Variants in NRG3 observed in about 807,000 individuals in gnomAD.
NRG3 encodes the protein pro-neuregulin-3, membrane-bound isoform.
Under a neutral mutation model 66.9 loss-of-function variants are expected in NRG3, and 31 were observed. That is an observed-to-expected ratio of 0.46 (90% confidence interval 0.35 to 0.63). The LOEUF (loss-of-function observed/expected upper bound fraction) is 0.63. Among genes scored for constraint, NRG3 ranks in the 20% least tolerant of loss-of-function variants. NRG3 has a pLI of 0.00. For synonymous variants in NRG3, 393 were observed against 359.4 expected (o/e 1.09, Z -1.06); for missense variants, 910 against 878.9 (o/e 1.04, Z -0.45).
intron 1 of NRG3, among the ~76,000 whole-genome samples, chr10:82,172,471 G>T (rs1160999086): frequency 1.3e-5 from 2 of 152,100 alleles, no homozygotes; most frequent in Non-Finnish European, 1.5e-5. Context: ...TGTAACATAT[G>T]TCCTTTGGGA....
chr10:82,378,540 CTCTCT>C (rs2085408313), intron 2 of NRG3, among the ~76,000 whole-genome samples: 1 of 151,834 alleles, frequency 6.6e-6, no homozygotes. Context: ...TCCTCCCTCC[CTCTCT>C]TCTCTTCTAC....
intron 1 of NRG3, among the ~76,000 whole-genome samples, chr10:82,114,175 A>G (rs1286887363): frequency 6.6e-6 from 1 of 152,150 alleles, no homozygotes; most frequent in African/African-American, 2.4e-5. Flanking sequence ...TGGACAAACA[A>G]TATTCCATTG....
intron 1 of NRG3, among the ~76,000 whole-genome samples, chr10:82,271,782 T>C (rs2078609900): frequency 6.6e-6 from 1 of 152,122 alleles, no homozygotes; most frequent in Non-Finnish European, 1.5e-5. Context: ...AATTCATACC[T>C]TTCTAAGGAA....
intron 1 of NRG3, among the ~76,000 whole-genome samples, chr10:82,122,917 C>T (rs2068187691): frequency 6.6e-6 from 1 of 151,934 alleles, no homozygotes; most frequent in Non-Finnish European, 1.5e-5. Context: ...CTTTCTGTCT[C>T]TTCCTCAATC....
intron 3 of NRG3, among the ~76,000 whole-genome samples, chr10:82,861,668 C>A (rs1403564015): frequency 6.6e-6 from 1 of 152,192 alleles, no homozygotes; most frequent in East Asian, 1.9e-4. Context: ...TGAGTTGCAC[C>A]TGCCAGCAAA....
chr10:82,286,741 C>T (rs2079440081), intron 1 of NRG3, among the ~76,000 whole-genome samples: 1 of 152,098 alleles, frequency 6.6e-6, no homozygotes, highest in South Asian at 2.1e-4. Context: ...GAATGTGCCA[C>T]CATGCCCGGC....
Position 82,986,310 on chromosome 10 carries a change from T to A in NRG3, c.*705T>A, listed in dbSNP as rs1378412444. The A allele has an allele frequency of 6.6e-6, 1 of 152,140 alleles. No homozygotes were observed. Among genetic ancestry groups the A allele is most frequent in the East Asian group, 1.9e-4 (1 of 5,174 alleles). 9.4% of individuals were successfully genotyped at this position (152,140 alleles called of 1,614,324 possible). The stretch of plus-strand genomic sequence containing the variant: ...CACTAAAATCATGCTAATAGAAATG[T>A]TTTTCCTTGAGATTGTTTAGAGGCT... On this transcript the variant is annotated 3_prime_UTR_variant, in exon 9 of 9. Coordinates refer to ENST00000372141, the MANE Select transcript of NRG3 (RefSeq NM_001010848.4).
At chr10:82,158,939 A>C (rs532263146) in intron 1 of NRG3, among the ~76,000 whole-genome samples, 2 of 151,928 alleles carry the variant, frequency 1.3e-5, no homozygotes, top group South Asian at 2.1e-4. Flanking sequence ...AATACATGAC[A>C]AGAATATTAT....
At chr10:82,347,853 G>C (rs945972066) in intron 1 of NRG3, among the ~76,000 whole-genome samples, 1 of 151,792 alleles carries the variant, frequency 6.6e-6, no homozygotes, top group African/African-American at 2.4e-5. Context: ...ATCTTTGCTG[G>C]TTTAAAGTCT....
chr10:82,522,354 G>A (rs1846275902), intron 2 of NRG3, among the ~76,000 whole-genome samples: 1 of 152,018 alleles, frequency 6.6e-6, no homozygotes, highest in South Asian at 2.1e-4. Context: ...CTCCACTGAA[G>A]TCTTGAGGCC....
intron 1 of NRG3, among the ~76,000 whole-genome samples, chr10:82,354,033 T>C (rs1370929627): frequency 1.5e-5 from 2 of 136,828 alleles, no homozygotes; most frequent in Admixed American, 1.4e-4. Flanking sequence ...TTTTTTTTTT[T>C]TTTTCCTGTT....
At chr10:82,172,884 A>AT (rs1429759103) in intron 1 of NRG3, among the ~76,000 whole-genome samples, 1 of 152,046 alleles carries the variant, frequency 6.6e-6, no homozygotes, top group East Asian at 1.9e-4. Context: ...CATCATAGTT[A>AT]TTTTACTAAT....
chr10:82,098,967 G>T (rs188359919), intron 1 of NRG3, among the ~76,000 whole-genome samples: 1 of 152,004 alleles, frequency 6.6e-6, no homozygotes, highest in African/African-American at 2.4e-5. Flanking sequence ...GGGTTTCACC[G>T]TGTTAGCCAG....
intron 1 of NRG3, among the ~76,000 whole-genome samples, chr10:82,345,379 T>G (rs989314824): frequency 9.9e-5 from 15 of 151,638 alleles, no homozygotes; most frequent in Non-Finnish European, 1.8e-4. Context: ...GTTGTAGATA[T>G]GTGACATTAT....
rs1564623401 is a variant in NRG3 at position 81,875,275 on chromosome 10, G to GC, written c.-66_-65insC. 16 of 966,678 alleles carry GC rather than the reference G, an allele frequency of 1.7e-5. No homozygotes were observed. The African/African-American group carries it at 2.7e-4, about 16-fold the overall frequency. The allele number at this position is 966,678 out of a possible 1,614,324, so 59.9% of individuals were successfully genotyped here. A position where few individuals can be genotyped will look rare whatever the true frequency, so the allele number is the denominator to read the frequency against. ...GGAGCCCGCGCCCGCGCCCGCGCCC[G>GC]GCCCGCGCGGCCCCATGCCTCTGCC... On this transcript the variant is annotated 5_prime_UTR_variant, in exon 1 of 9. An upstream open reading frame in the 5' UTR loses its in-frame stop. Transcript: ENST00000372141. The surrounding 1 kb of genome is among the most constrained non-coding windows in gnomAD (Gnocchi z 5.3).
At chr10:81,973,157 C>A (rs996317331) in intron 1 of NRG3, among the ~76,000 whole-genome samples, 2 of 152,102 alleles carry the variant, frequency 1.3e-5, no homozygotes, top group Non-Finnish European at 2.9e-5. Context: ...TGAGAACATG[C>A]AGCATTTTGT....
intron 2 of NRG3, among the ~76,000 whole-genome samples, chr10:82,648,840 T>G (rs2051174231): frequency 6.6e-6 from 1 of 152,126 alleles, no homozygotes; most frequent in African/African-American, 2.4e-5. Context: ...TGCTTGTGAT[T>G]TTTGTACATT....
chr10:82,173,285 A>G (rs1055327596), intron 1 of NRG3, among the ~76,000 whole-genome samples: 1 of 151,118 alleles, frequency 6.6e-6, no homozygotes, highest in Non-Finnish European at 1.5e-5. Context: ...TTTTTTTTCC[A>G]TTTGTCATTC....
chr10:82,290,555 A>G (rs1453319419), intron 1 of NRG3, among the ~76,000 whole-genome samples: 1 of 152,094 alleles, frequency 6.6e-6, no homozygotes, highest in Non-Finnish European at 1.5e-5. Flanking sequence ...TTCCCTAATG[A>G]TTGCACAGTT....
Sources: allele counts gnomAD v4.1 joint callset (sites outside exome capture counted in the v4.1 genomes callset), GRCh38; gene constraint gnomAD v4.1.1; non-coding constraint Gnocchi (gnomAD v3.1); transcripts MANE v1.5; gene names NCBI Gene and HGNC (gene_info 2026-07-23, HGNC 2026-07-21).